Variants in SIPA1L3 observed in about 807,000 individuals in gnomAD.
The protein encoded by SIPA1L3 is signal induced proliferation associated 1 like 3, also known as signal-induced proliferation-associated 1-like protein 3.
A neutral mutation model predicts 150.1 loss-of-function variants in SIPA1L3; 59 were observed. The observed-to-expected ratio is 0.39, with a 90% CI of 0.32 to 0.49. The LOEUF (loss-of-function observed/expected upper bound fraction) is 0.49, where lower values mean the gene tolerates loss of function less well. Among genes scored for constraint, SIPA1L3 ranks in the 20% least tolerant of loss-of-function variants. SIPA1L3 has a pLI of 0.86. For synonymous variants in SIPA1L3, 1,070 were observed against 1,077.6 expected, an observed-to-expected ratio of 0.99 and a Z score of 0.14; for missense variants, 2,211 against 2,489.5, an observed-to-expected ratio of 0.89 and a Z score of 2.38.
chr19:38,067,761 G>GAA (rs75720415), intron 2 of SIPA1L3, among the ~76,000 whole-genome samples: 19 of 138,854 alleles, frequency 1.4e-4, no homozygotes, highest in South Asian at 2.3e-4. Context: ...GACTCAGTCT[G>GAA]AAAAAAAAAA....
At chr19:38,145,115 T>C (rs1971675915) in intron 12 of SIPA1L3, among the ~76,000 whole-genome samples, 1 of 150,786 alleles carries the variant, frequency 6.6e-6, no homozygotes, top group Admixed American at 6.6e-5. Flanking sequence ...GCAGTGGTGT[T>C]ACCGAAAGCT....
intron 2 of SIPA1L3, among the ~76,000 whole-genome samples, chr19:38,031,393 TA>T (rs938719248): frequency 3.3e-5 from 5 of 152,236 alleles, no homozygotes; most frequent in African/African-American, 1.2e-4. Flanking sequence ...CTTGTCTCCT[TA>T]ACCTCCTCCG....
intron 1 of SIPA1L3, among the ~76,000 whole-genome samples, chr19:37,954,445 G>A (rs933775435): frequency 6.6e-6 from 1 of 152,110 alleles, no homozygotes; most frequent in African/African-American, 2.4e-5. Context: ...ACACCTCTCG[G>A]TCGTGCTCCT....
intron 12 of SIPA1L3, among the ~76,000 whole-genome samples, chr19:38,144,082 C>T (rs958446945): frequency 6.6e-6 from 1 of 152,200 alleles, no homozygotes; most frequent in Admixed American, 6.6e-5. Context: ...CCACACTCCC[C>T]CCATCCTACC....
At chr19:38,114,439 A>G (rs1201613888) in intron 8 of SIPA1L3, among the ~76,000 whole-genome samples, 2 of 151,972 alleles carry the variant, frequency 1.3e-5, no homozygotes, top group Non-Finnish European at 2.9e-5. Context: ...AAAAAAAAAA[A>G]AAAAAATTGC....
chr19:37,991,341 C>CGCTCTGTGGACGTATCAGATG (rs1450136986), intron 1 of SIPA1L3, among the ~76,000 whole-genome samples: 1 of 152,226 alleles, frequency 6.6e-6, no homozygotes, highest in African/African-American at 2.4e-5. Flanking sequence ...TGCTCTTAAG[C>CGCTCTGTGGACGTATCAGATG]GCTCTGTGGA....
chr19:38,015,948 G>A lies in SIPA1L3; in HGVS notation c.-378-13141G>A, dbSNP rs1568503318. On this transcript the variant is annotated intron_variant, in intron 1 of 21. Transcript: ENST00000222345. ...CAATCTTGCTGAACTTGCATGCATCGTTGGTCCGCCGGAATCTGCGCTCAC... is the reference window on the plus strand; with the variant it reads ...CAATCTTGCTGAACTTGCATGCATCATTGGTCCGCCGGAATCTGCGCTCAC... Among the ~76,000 whole-genome samples, 3 of 152,166 alleles carry A rather than the reference G, an allele frequency of 2.0e-5. No individual in the cohort carries two copies. The South Asian group carries it at 6.2e-4, about 32-fold the overall frequency.
At chr19:37,959,408 A>G (rs190066922) in intron 1 of SIPA1L3, among the ~76,000 whole-genome samples, 1 of 152,344 alleles carries the variant, frequency 6.6e-6, no homozygotes, top group Admixed American at 6.5e-5. Context: ...TGAATGAAAG[A>G]AACCAGACCC....
At chr19:37,941,071 T>TATAC (rs879854997) in intron 1 of SIPA1L3, among the ~76,000 whole-genome samples, 1 of 133,086 alleles carries the variant, frequency 7.5e-6, no homozygotes, top group African/African-American at 2.7e-5. Context: ...GTTTGAGATG[T>TATAC]ACACACACAC....
chr19:37,982,688 CAT>C (rs1028996778), intron 1 of SIPA1L3, among the ~76,000 whole-genome samples: 17 of 152,322 alleles, frequency 1.1e-4, no homozygotes, highest in African/African-American at 3.8e-4. Flanking sequence ...GAGCTTTCTC[CAT>C]AATGGACTCT....
chr19:38,131,953 A>G (rs568213407), intron 10 of SIPA1L3, among the ~76,000 whole-genome samples: 51 of 152,038 alleles, frequency 3.4e-4, no homozygotes, highest in Middle Eastern at 6.8e-3. Flanking sequence ...CGTAGTGTCA[A>G]CTATCTAGAC....
At chr19:37,983,730 A>G (rs1189664401) in intron 1 of SIPA1L3, among the ~76,000 whole-genome samples, 3 of 151,252 alleles carry the variant, frequency 2.0e-5, no homozygotes, top group Non-Finnish European at 4.4e-5. Context: ...ACATGGTGAA[A>G]CCCCGTCTGT....
At chr19:38,125,658 GTC>G (rs1217591288) in intron 9 of SIPA1L3, among the ~76,000 whole-genome samples, 1 of 152,144 alleles carries the variant, frequency 6.6e-6, no homozygotes, top group Non-Finnish European at 1.5e-5. Context: ...GTGACAGTGA[GTC>G]TCTCTCTTTG....
At chr19:38,101,727 G>A (rs1198768931) in intron 6 of SIPA1L3, among the ~76,000 whole-genome samples, 1 of 152,066 alleles carries the variant, frequency 6.6e-6, no homozygotes, top group African/African-American at 2.4e-5. Flanking sequence ...AGCCACTTTG[G>A]AAAACAGTAC....
At position 38,081,746 on chromosome 19, in the gene SIPA1L3, G is replaced by A. The variant is rs890078136; in HGVS notation, c.181G>A (p.Ala61Thr). The A allele has an allele frequency of 1.0e-5, 16 of 1,599,240 alleles. No homozygotes were observed. Among genetic ancestry groups the A allele is most frequent in the South Asian group, 3.3e-5 (3 of 90,258 alleles). ...GAGCCCGGCCACCGCCACCGCCACCGCCACCGCCACCACCCGCCCCAGCCC... is the reference window on the plus strand; with the variant it reads ...GAGCCCGGCCACCGCCACCGCCACCACCACCGCCACCACCCGCCCCAGCCC... ...GESPATATAT[A>T]TATTRPSPTT... Residue 61 changes from alanine (A) to threonine (T), a missense_variant, in exon 3 of 22, where the codon GCC (alanine) becomes ACC (threonine). By Grantham distance (58) the Ala-to-Thr change is moderately conservative (BLOSUM62 0). This residue lies in a region of SIPA1L3 where 130 missense variants were observed against 174.5 expected (regional missense o/e 0.74). Coordinates refer to ENST00000222345, the MANE Select transcript of SIPA1L3 (RefSeq NM_015073.3).
intron 2 of SIPA1L3, among the ~76,000 whole-genome samples, chr19:38,032,901 A>T (rs145507910): frequency 6.6e-6 from 1 of 152,052 alleles, no homozygotes; most frequent in East Asian, 1.9e-4. Flanking sequence ...TATATAGTGT[A>T]CATAGGATGT....
intron 4 of SIPA1L3, among the ~76,000 whole-genome samples, chr19:38,092,878 G>A (rs1353527484): frequency 2.1e-4 from 25 of 119,520 alleles, no homozygotes; most frequent in African/African-American, 6.9e-4. Context: ...TTTTTTTCCC[G>A]AGACGGAGTC....
Position 38,082,732 on chromosome 19 carries a change from C to T in SIPA1L3, c.1167C>T (p.Ala389=). The T allele has an allele frequency of 6.2e-7, 1 of 1,612,348 alleles. No individual in the cohort carries two copies. The highest frequency in any genetic ancestry group is 8.5e-7 in the Non-Finnish European group (1 of 1,179,736). ...TGGCCTCCCTCACGGCCTCGCGGGCCCACAGCCTCGGAGGCCTGGACCCGG... is the reference window on the plus strand; with the variant it reads ...TGGCCTCCCTCACGGCCTCGCGGGCTCACAGCCTCGGAGGCCTGGACCCGG... ...SAMASLTASR[A]HSLGGLDPAF... Residue 389 remains alanine (A), a synonymous_variant, in exon 3 of 22, where the codon GCC becomes GCT. Coordinates refer to ENST00000222345, the MANE Select transcript of SIPA1L3 (RefSeq NM_015073.3).
intron 19 of SIPA1L3, 129 bp downstream of exon 19, chr19:38,198,661 C>A (rs1040682718): frequency 1.1e-6 from 1 of 944,830 alleles, no homozygotes; most frequent in African/African-American, 1.7e-5. Flanking sequence ...GGGTTCAAGT[C>A]CTGCCCCGTC....
Sources: gnomAD v4.1 joint callset for allele counts (sites outside exome capture counted in the v4.1 genomes callset) on GRCh38, gnomAD v4.1.1 for gene constraint, gnomAD v4.1.1 regional missense constraint, MANE v1.5 for transcripts, NCBI Gene and HGNC (gene_info 2026-07-23, HGNC 2026-07-21) for gene names.